RBM26: variants seen among roughly 807,000 people sequenced by gnomAD.
RBM26 encodes RNA binding motif protein 26, also known as RNA-binding protein 26.
In RBM26, 30 loss-of-function variants were observed where a neutral mutation model predicts 123.6. That is an observed-to-expected ratio of 0.24 (90% CI 0.18 to 0.33). The LOEUF is 0.33. RBM26 is among the 10% of genes least tolerant of loss of function. The pLI, the probability that RBM26 is intolerant of heterozygous loss-of-function variation, is 1.00. For synonymous variants in RBM26, 400 were observed against 404.4 expected, an observed-to-expected ratio of 0.99 and a Z score of 0.13; for missense variants, 947 against 1,203.6, an observed-to-expected ratio of 0.79 and a Z score of 3.15.
downstream of RBM26, among the ~76,000 whole-genome samples, chr13:79,316,192 G>GGTAGGTGTGTGTGTGT (rs1555286931): frequency 3.5e-5 from 5 of 141,998 alleles, no homozygotes; most frequent in Non-Finnish European, 4.6e-5. Flanking sequence ...AAGTGGGGCA[G>GGTAGGTGTGTGTGTGT]GTGTGTGTGT....
In RBM26 at chr13:79,367,406, CAAAAAAAAAAAAAA is replaced by C. The variant is rs776345304; in HGVS notation, c.896-548_896-535del. Among the ~76,000 whole-genome samples, 123 of 39,662 alleles carry C rather than the reference CAAAAAAAAAAAAAA, an allele frequency of 3.1e-3. 4 individuals are homozygous for C. The highest frequency in any genetic ancestry group is 0.012 in the Admixed American group (31 of 2,668). 26.0% of individuals were successfully genotyped at this position (39,662 alleles called of 152,430 possible). ...TGGGGTATAGGGGGAGACTCCATCT[CAAAAAAAAAAAAAA>C]AAAAAAAAAAAAGAAGAAGAAGAGG... On this transcript the variant is annotated intron_variant, in intron 6 of 21. Coordinates refer to ENST00000438737, the MANE Select transcript of RBM26 (RefSeq NM_001366735.2).
chr13:79,373,174 A>C (rs1747076257), intron 3 of RBM26, among the ~76,000 whole-genome samples: 1 of 114,364 alleles, frequency 8.7e-6, no homozygotes, highest in Non-Finnish European at 1.6e-5. Flanking sequence ...TATTTATATA[A>C]ATTTTTATAT....
chr13:79,330,925 A>AACACACAC (rs1445850920), intron 20 of RBM26, among the ~76,000 whole-genome samples: 1 of 152,024 alleles, frequency 6.6e-6, no homozygotes. Context: ...TATCAGTAAA[A>AACACACAC]ACACACACAC....
chr13:79,326,656 T>A, intron 20 of RBM26, among the ~76,000 whole-genome samples: 1 of 152,174 alleles, frequency 6.6e-6, no homozygotes, highest in East Asian at 1.9e-4. Context: ...CATTAGATAC[T>A]GATAGTTTCA....
intron 21 of RBM26, among the ~76,000 whole-genome samples, chr13:79,320,928 A>C (rs958985074): frequency 4.6e-5 from 7 of 151,252 alleles, no homozygotes; most frequent in African/African-American, 1.7e-4. Flanking sequence ...CACTAAACAA[A>C]TATCAAATAA....
Position 79,377,535 on chromosome 13 carries a change from C to T in RBM26, c.191-20G>A. 1 of 1,578,026 alleles carries T rather than the reference C, an allele frequency of 6.3e-7. No individual in the cohort carries two copies. Among genetic ancestry groups the T allele is most frequent in the Non-Finnish European group, 8.7e-7 (1 of 1,150,210 alleles). On this transcript the variant is annotated intron_variant, in intron 2 of 21. Coordinates refer to ENST00000438737, the MANE Select transcript of RBM26 (RefSeq NM_001366735.2). The stretch of plus-strand genomic sequence containing the variant: ...GTGTCTCTAAAAATAAAACCAAACA[C>T]CATAGATTAAAACACATTTGTTAAG...
At chr13:79,336,498 GC>G (rs1448808410) in intron 19 of RBM26, among the ~76,000 whole-genome samples, 4 of 152,104 alleles carry the variant, frequency 2.6e-5, no homozygotes, top group African/African-American at 9.7e-5. Context: ...AGATGAAAGG[GC>G]CATTCAGCAG....
chr13:79,379,265 G>A lies in RBM26; in HGVS notation c.72-358C>T, dbSNP rs144174070. ...AAACAGTATTGAGGCCAGGCACAGT[G>A]AATCAGTCCTGTAATGACAGCACCT... On this transcript the variant is annotated intron_variant, in intron 1 of 21. Coordinates refer to ENST00000438737, the MANE Select transcript of RBM26 (RefSeq NM_001366735.2). Among the ~76,000 whole-genome samples, 1,009 of 150,010 alleles carry A rather than the reference G, an allele frequency of 6.7e-3. 14 individuals are homozygous for A. The highest frequency in any genetic ancestry group is 0.024 in the African/African-American group (960 of 40,776).
At chr13:79,340,244 T>A (rs959673308) in intron 18 of RBM26, among the ~76,000 whole-genome samples, 1 of 151,980 alleles carries the variant, frequency 6.6e-6, no homozygotes, top group African/African-American at 2.4e-5. Flanking sequence ...GGTATGAACA[T>A]TTAGGACAAC....
At chr13:79,405,640 A>G in intron 1 of RBM26, 64 bp downstream of exon 1, 1 of 1,214,926 alleles carries the variant, frequency 8.2e-7, no homozygotes, top group Middle Eastern at 2.0e-4. Flanking sequence ...GAAACTGCAC[A>G]GATCTCTGGG....
intron 21 of RBM26, among the ~76,000 whole-genome samples, chr13:79,321,120 T>TTA (rs1375977783): frequency 1.3e-5 from 2 of 151,438 alleles, no homozygotes; most frequent in Non-Finnish European, 3.0e-5. Context: ...AGATTTATAT[T>TTA]TATATTTATT....
At chr13:79,375,264 C>A (rs2076583272) in intron 3 of RBM26, among the ~76,000 whole-genome samples, 2 of 150,062 alleles carry the variant, frequency 1.3e-5, no homozygotes, top group Non-Finnish European at 1.5e-5. Context: ...CCTCTGCCTC[C>A]CAGGTTCAAG....
chr13:79,327,295 CAAA>C (rs5805024), intron 20 of RBM26, among the ~76,000 whole-genome samples: 69 of 123,006 alleles, frequency 5.6e-4, no homozygotes, highest in African/African-American at 1.1e-3. Context: ...GAACCTGTCT[CAAA>C]AAAAAAAAAA....
chr13:79,367,406 C>CAA lies in RBM26; in HGVS notation c.896-536_896-535dup, dbSNP rs776345304. On this transcript the variant is annotated intron_variant, in intron 6 of 21. Coordinates refer to ENST00000438737, the MANE Select transcript of RBM26 (RefSeq NM_001366735.2). ...TGGGGTATAGGGGGAGACTCCATCTCAAAAAAAAAAAAAAAAAAAAAAAAA... is the reference window on the plus strand; with the variant it reads ...TGGGGTATAGGGGGAGACTCCATCTCAAAAAAAAAAAAAAAAAAAAAAAAAAA... Among the ~76,000 whole-genome samples the CAA allele has an allele frequency of 4.7e-3, 187 of 39,626 alleles. 6 individuals carry two copies. The highest frequency in any genetic ancestry group is 8.4e-3 in the African/African-American group (141 of 16,702). The allele number at this position is 39,626 out of a possible 152,430, so 26.0% of individuals were successfully genotyped here.
In RBM26 at chr13:79,372,078, A is replaced by G. The variant is rs1027268952; in HGVS notation, c.328-148T>C. On this transcript the variant is annotated intron_variant, in intron 3 of 21. Coordinates refer to ENST00000438737, the MANE Select transcript of RBM26 (RefSeq NM_001366735.2). ...GGTGGTTCACGAAGTCGGAAGTTCGACACCAGCCTGGCCAACATGGTGAAA... is the reference window on the plus strand; with the variant it reads ...GGTGGTTCACGAAGTCGGAAGTTCGGCACCAGCCTGGCCAACATGGTGAAA... 1.7e-5 allele frequency: 10 copies of G among 595,990 alleles called. No individual in the cohort carries two copies. The African/African-American group carries it at 1.7e-4, about 10-fold the overall frequency. 36.9% of individuals were successfully genotyped at this position (595,990 alleles called of 1,614,324 possible).
At chr13:79,382,793 C>T (rs2077166870) in intron 1 of RBM26, among the ~76,000 whole-genome samples, 2 of 151,976 alleles carry the variant, frequency 1.3e-5, no homozygotes, top group Non-Finnish European at 1.5e-5. Flanking sequence ...CTCTCCTATG[C>T]AGTAGAGTGT....
chr13:79,377,715 T>C (rs2076764585), intron 2 of RBM26, among the ~76,000 whole-genome samples, 200 bp from the exon 3 acceptor site: 1 of 151,990 alleles, frequency 6.6e-6, no homozygotes, highest in Non-Finnish European at 1.5e-5. Flanking sequence ...TCACCTGAGG[T>C]CAGGAGTTCA....
At chr13:79,355,004 C>A (rs1327183811) in intron 12 of RBM26, among the ~76,000 whole-genome samples, 2 of 152,194 alleles carry the variant, frequency 1.3e-5, no homozygotes, top group African/African-American at 4.8e-5. Context: ...CTCACATACA[C>A]CATGCTGTTC....
intron 10 of RBM26, among the ~76,000 whole-genome samples, chr13:79,359,346 G>A (rs528999172): frequency 6.6e-6 from 1 of 152,096 alleles, no homozygotes; most frequent in Non-Finnish European, 1.5e-5. Flanking sequence ...GAGGGTAAAT[G>A]ATAAGAGGAA....
Sources: gnomAD v4.1 joint callset for allele counts (sites outside exome capture counted in the v4.1 genomes callset) on GRCh38, gnomAD v4.1.1 for gene constraint, MANE v1.5 for transcripts, NCBI Gene and HGNC (gene_info 2026-07-23, HGNC 2026-07-21) for gene names.